HS3ST4: variants seen among roughly 807,000 people sequenced by gnomAD.
HS3ST4 encodes heparan sulfate-glucosamine 3-sulfotransferase 4, also known as heparan sulfate glucosamine 3-O-sulfotransferase 4.
In HS3ST4, 17 loss-of-function variants were observed where a neutral mutation model predicts 29.2. The observed-to-expected ratio is 0.58, with a 90% CI of 0.40 to 0.87. The LOEUF (loss-of-function observed/expected upper bound fraction) is 0.87. Ranked by LOEUF, HS3ST4 falls within the 40% of genes least tolerant of loss-of-function variation. The pLI, the probability that HS3ST4 is intolerant of heterozygous loss-of-function variation, is 0.00. For synonymous variants in HS3ST4, 314 were observed against 285.7 expected (o/e 1.10, Z -1.00); for missense variants, 627 against 634.5 (o/e 0.99, Z 0.13).
chr16:26,042,279 G>A (rs114809271), intron 1 of HS3ST4, among the ~76,000 whole-genome samples: 1,825 of 152,146 alleles, frequency 0.012, 37 homozygotes, highest in African/African-American at 0.042. Context: ...CAAAGTCCTT[G>A]TCTATTTCAG....
chr16:25,882,726 T>C (rs1372839846), intron 1 of HS3ST4, among the ~76,000 whole-genome samples: 1 of 152,166 alleles, frequency 6.6e-6, no homozygotes, highest in Admixed American at 6.5e-5. Context: ...GCAATTCAGA[T>C]GGCATGAAGC....
At chr16:26,034,985 A>C (rs888639559) in intron 1 of HS3ST4, among the ~76,000 whole-genome samples, 9 of 152,122 alleles carry the variant, frequency 5.9e-5, no homozygotes, top group Admixed American at 3.9e-4. Flanking sequence ...CCATCTGAAA[A>C]AAGAAGAAAG....
chr16:25,836,563 A>G (rs901935958), intron 1 of HS3ST4, among the ~76,000 whole-genome samples: 5 of 152,192 alleles, frequency 3.3e-5, no homozygotes, highest in Non-Finnish European at 7.3e-5. Context: ...TATTTAGGGG[A>G]ATGTTTCCTT....
chr16:25,977,397 T>A (rs1364691487), intron 1 of HS3ST4, among the ~76,000 whole-genome samples: 1 of 152,184 alleles, frequency 6.6e-6, no homozygotes, highest in African/African-American at 2.4e-5. Context: ...TCTGAGCACA[T>A]CATGCCCTCT....
intron 1 of HS3ST4, among the ~76,000 whole-genome samples, chr16:25,768,336 G>A (rs1017090732): frequency 4.6e-5 from 7 of 152,184 alleles, no homozygotes; most frequent in African/African-American, 1.7e-4. Context: ...GTCTCTTGGG[G>A]AAATCAGACT....
chr16:25,794,424 A>T (rs1966877247), intron 1 of HS3ST4, among the ~76,000 whole-genome samples: 3 of 151,762 alleles, frequency 2.0e-5, no homozygotes, highest in Non-Finnish European at 4.4e-5. Context: ...GTCCCTGGCA[A>T]TGAATTCTCT....
At chr16:26,071,282 T>G (rs1898600913) in intron 1 of HS3ST4, among the ~76,000 whole-genome samples, 1 of 151,840 alleles carries the variant, frequency 6.6e-6, no homozygotes, top group African/African-American at 2.4e-5. Context: ...GGGGTCAGGT[T>G]TGGAGGATGA....
intron 1 of HS3ST4, among the ~76,000 whole-genome samples, chr16:25,887,691 A>ATTTTTTTTTTTTT (rs768447504): frequency 1.1e-5 from 1 of 91,500 alleles, no homozygotes; most frequent in African/African-American, 4.8e-5. Flanking sequence ...GCTACACCTG[A>ATTTTTTTTTTTTT]TTTTTTTTTT....
chr16:26,064,969 A>G (rs1028756399), intron 1 of HS3ST4, among the ~76,000 whole-genome samples: 10 of 152,142 alleles, frequency 6.6e-5, no homozygotes, highest in Admixed American at 2.0e-4. Context: ...CAGTAAAGTT[A>G]ATCTGAGGTT....
At chr16:26,065,942 G>C (rs888608307) in intron 1 of HS3ST4, among the ~76,000 whole-genome samples, 7 of 152,190 alleles carry the variant, frequency 4.6e-5, no homozygotes, top group African/African-American at 1.7e-4. Context: ...AGCAAAACAG[G>C]ACAACAAAAT....
chr16:25,958,780 C>T lies in HS3ST4; in HGVS notation c.735-176832C>T, dbSNP rs146968692. 9.0e-3 allele frequency among the ~76,000 whole-genome samples: 1,366 copies of T among 152,264 alleles called. 11 individuals are homozygous for T. Among genetic ancestry groups the T allele is most frequent in the Non-Finnish European group, 0.012 (842 of 68,024 alleles). On this transcript the variant is annotated intron_variant, in intron 1 of 1. Transcript: ENST00000331351. ...GTTGTTGGAGGGTAGTTCTCTTCCA[C>T]GGAGCTTCTCCTCATGGCTGGTGTT...
chr16:25,978,965 G>A (rs1390359858), intron 1 of HS3ST4, among the ~76,000 whole-genome samples: 2 of 117,454 alleles, frequency 1.7e-5, no homozygotes, highest in African/African-American at 6.4e-5. Flanking sequence ...TTTGAGACGA[G>A]TTTCTCTCTG....
intron 1 of HS3ST4, among the ~76,000 whole-genome samples, chr16:25,806,469 C>A (rs879391277): frequency 6.6e-6 from 1 of 152,174 alleles, no homozygotes; most frequent in Non-Finnish European, 1.5e-5. Flanking sequence ...GTGGGAGTTA[C>A]ATCCACCAAA....
At chr16:25,803,644 C>G (rs913080718) in intron 1 of HS3ST4, among the ~76,000 whole-genome samples, 1 of 152,100 alleles carries the variant, frequency 6.6e-6, no homozygotes, top group African/African-American at 2.4e-5. Flanking sequence ...CTTTGGTTCT[C>G]TTTGTGTCAG....
At chr16:25,892,855 GCAGTGAACAAGA>G (rs1968023725) in intron 1 of HS3ST4, among the ~76,000 whole-genome samples, 1 of 152,168 alleles carries the variant, frequency 6.6e-6, no homozygotes, top group Non-Finnish European at 1.5e-5. Flanking sequence ...CAGGGATATA[GCAGTGAACAAGA>G]CAGCAAAGTC....
At chr16:25,876,399 A>G (rs553000972) in intron 1 of HS3ST4, among the ~76,000 whole-genome samples, 34 of 152,244 alleles carry the variant, frequency 2.2e-4, no homozygotes, top group Non-Finnish European at 4.6e-4. Flanking sequence ...AGCCTTTGGC[A>G]TGCTTCTTAT....
chr16:26,011,699 TGTGTGAGA>T (rs910409598), intron 1 of HS3ST4, among the ~76,000 whole-genome samples: 35 of 96,356 alleles, frequency 3.6e-4, no homozygotes, highest in East Asian at 2.0e-3. Flanking sequence ...TGTGTGTGTG[TGTGTGAGA>T]GAGAGACAGA....
intron 1 of HS3ST4, among the ~76,000 whole-genome samples, chr16:26,109,718 G>A (rs1427089866): frequency 3.4e-5 from 5 of 147,214 alleles, no homozygotes; most frequent in Admixed American, 3.4e-4. Flanking sequence ...TATACTCACT[G>A]TTTTTTTTTT....
intron 1 of HS3ST4, among the ~76,000 whole-genome samples, chr16:25,823,067 G>A (rs907105164): frequency 1.3e-5 from 2 of 152,212 alleles, no homozygotes; most frequent in East Asian, 1.9e-4. Flanking sequence ...ACAGCATCGT[G>A]TTTTCTTAGA....
Sources: gnomAD v4.1 joint callset for allele counts (sites outside exome capture counted in the v4.1 genomes callset) on GRCh38, gnomAD v4.1.1 for gene constraint, MANE v1.5 for transcripts, NCBI Gene and HGNC (gene_info 2026-07-23, HGNC 2026-07-21) for gene names.